KLF9: variants seen among roughly 807,000 people sequenced by gnomAD.
KLF9 encodes the protein Krueppel-like factor 9.
A neutral mutation model predicts 17.3 loss-of-function variants in KLF9; 2 were observed. The observed-to-expected ratio is 0.12, with a 90% CI of 0.05 to 0.36. The LOEUF (loss-of-function observed/expected upper bound fraction) is 0.36, where lower values mean the gene tolerates loss of function less well. Ranked by LOEUF, KLF9 falls within the 10% of genes least tolerant of loss-of-function variation. The pLI, the probability that KLF9 is intolerant of heterozygous loss-of-function variation, is 1.00. For synonymous variants in KLF9, 138 were observed against 139.2 expected (o/e 0.99, Z 0.06); for missense variants, 226 against 333.2 (o/e 0.68, Z 2.51).
At chr9:70,411,038 A>G (rs191889604) in intron 1 of KLF9, among the ~76,000 whole-genome samples, 7 of 152,322 alleles carry the variant, frequency 4.6e-5, no homozygotes, top group Non-Finnish European at 8.8e-5. Flanking sequence ...GGTTCTCCTG[A>G]AACAGCTGAG....
chr9:70,399,360 ATAGC>A (rs2037206679), intron 1 of KLF9, among the ~76,000 whole-genome samples: 1 of 152,204 alleles, frequency 6.6e-6, no homozygotes, highest in Non-Finnish European at 1.5e-5. Context: ...CCACAACCAC[ATAGC>A]TAGCCCTTCA....
intron 1 of KLF9, among the ~76,000 whole-genome samples, chr9:70,410,512 A>G (rs897614031): frequency 2.0e-5 from 3 of 152,252 alleles, no homozygotes; most frequent in African/African-American, 7.2e-5. Context: ...GAATGATTCA[A>G]CTTCTAAAGC....
intron 1 of KLF9, among the ~76,000 whole-genome samples, chr9:70,397,345 C>G (rs955560242): frequency 1.8e-4 from 27 of 151,830 alleles, no homozygotes; most frequent in South Asian, 1.3e-3. Flanking sequence ...CATGGTGGCA[C>G]ATGCCTGTAA....
intron 1 of KLF9, among the ~76,000 whole-genome samples, chr9:70,403,595 T>A (rs1240087025): frequency 6.6e-6 from 1 of 152,092 alleles, no homozygotes; most frequent in African/African-American, 2.4e-5. Context: ...AACTGAGCCA[T>A]GGAGAGGCAG....
Position 70,413,597 on chromosome 9 carries a change from T to G in KLF9, c.-234A>C. Reference sequence around the variant, plus strand: ...GCACGCAGCATCCACGGCCCCGGGCTCCGCCGCGCCGCCGCCTCTAGCCGC... The same window carrying G: ...GCACGCAGCATCCACGGCCCCGGGCGCCGCCGCGCCGCCGCCTCTAGCCGC... On this transcript the variant is annotated 5_prime_UTR_variant, in exon 1 of 2. Transcript: ENST00000377126. This position sits in a 1 kb window ranked among gnomAD's most constrained non-coding sequence, Gnocchi z 5.6. The G allele has an allele frequency of 1.2e-4, 22 of 182,822 alleles. No individual in the cohort carries two copies. The highest frequency in any genetic ancestry group is 6.2e-4 in the East Asian group (4 of 6,412). The allele number at this position is 182,822 out of a possible 1,614,324, so 11.3% of individuals were successfully genotyped here.
At chr9:70,411,288 G>A (rs2037310718) in intron 1 of KLF9, among the ~76,000 whole-genome samples, 1 of 152,172 alleles carries the variant, frequency 6.6e-6, no homozygotes. Context: ...AGTGGGTGTC[G>A]ATGGGAACAA....
At chr9:70,400,460 G>GAAAGT (rs1790235528) in intron 1 of KLF9, among the ~76,000 whole-genome samples, 3 of 152,128 alleles carry the variant, frequency 2.0e-5, no homozygotes, top group Admixed American at 6.5e-5. Flanking sequence ...GAAAGGAAAG[G>GAAAGT]CAAGGGACCC....
chr9:70,413,412 T>C lies in KLF9; in HGVS notation c.-49A>G. 6.9e-7 allele frequency: 1 copy of C among 1,447,426 alleles called. No homozygotes were observed. Among genetic ancestry groups the C allele is most frequent in the Non-Finnish European group, 9.1e-7 (1 of 1,102,996 alleles). The allele number at this position is 1,447,426 out of a possible 1,614,324, so 89.7% of individuals were successfully genotyped here. ...CGGCGCGGACAAACTTGGCGGTGGC[T>C]GCGGAGGTTCGGCTCGCCCTGCCCT... is the stretch of plus-strand genomic sequence containing the variant. On this transcript the variant is annotated 5_prime_UTR_variant, in exon 1 of 2. Transcript: ENST00000377126. This position sits in a 1 kb window ranked among gnomAD's most constrained non-coding sequence, Gnocchi z 5.6.
intron 1 of KLF9, among the ~76,000 whole-genome samples, chr9:70,398,489 ATTTT>A (rs397969034): frequency 7.0e-6 from 1 of 143,380 alleles, no homozygotes; most frequent in Non-Finnish European, 1.5e-5. Flanking sequence ...AGATAACAGA[ATTTT>A]TTTTTTTTTT....
intron 1 of KLF9, among the ~76,000 whole-genome samples, chr9:70,390,969 T>C (rs1171855296): frequency 1.3e-5 from 2 of 152,162 alleles, no homozygotes; most frequent in Admixed American, 6.5e-5. Context: ...AGGAAAACAA[T>C]GAAAGGAAGA....
intron 1 of KLF9, among the ~76,000 whole-genome samples, chr9:70,397,936 G>A (rs745782273): frequency 5.9e-5 from 9 of 152,094 alleles, no homozygotes; most frequent in Non-Finnish European, 1.3e-4. Flanking sequence ...TACACATTAC[G>A]GAAGAGGTGT....
intron 1 of KLF9, among the ~76,000 whole-genome samples, chr9:70,403,002 T>C (rs1160712406): frequency 6.6e-6 from 1 of 151,892 alleles, no homozygotes; most frequent in Non-Finnish European, 1.5e-5. Context: ...ATACAAAAAT[T>C]AGCCTGGCAT....
chr9:70,393,915 G>C (rs1353169438), intron 1 of KLF9, among the ~76,000 whole-genome samples: 1 of 151,798 alleles, frequency 6.6e-6, no homozygotes, highest in Non-Finnish European at 1.5e-5. Context: ...CCAGATACTT[G>C]GGAGGCTGAG....
Position 70,395,435 on chromosome 9 carries a change from C to A in KLF9, c.506-7430G>T, listed in dbSNP as rs182903363. The stretch of plus-strand genomic sequence containing the variant: ...TAAACATGAAACCAAAAGCAAAATC[C>A]TACTTGAAGGATAGTTTTGAATACG... On this transcript the variant is annotated intron_variant, in intron 1 of 1. Transcript: ENST00000377126. Among the ~76,000 whole-genome samples, 361 of 152,098 alleles carry A rather than the reference C, an allele frequency of 2.4e-3. 2 individuals are homozygous for A. Among genetic ancestry groups the A allele is most frequent in the African/African-American group, 8.5e-3 (352 of 41,464 alleles).
rs182837139 is a variant in KLF9 at position 70,396,601 on chromosome 9, C to A, written c.506-8596G>T. Among the ~76,000 whole-genome samples, 450 of 152,030 alleles carry A rather than the reference C, an allele frequency of 3.0e-3. 2 individuals carry two copies. Among genetic ancestry groups the A allele is most frequent in the Non-Finnish European group, 4.3e-3 (290 of 67,996 alleles). ...GTCAGGAGTTCAAGACCAGCTTGGGCAACACAGTAAGACCCCATCTCTACT... is the reference window on the plus strand; with the variant it reads ...GTCAGGAGTTCAAGACCAGCTTGGGAAACACAGTAAGACCCCATCTCTACT... On this transcript the variant is annotated intron_variant, in intron 1 of 1. Transcript: ENST00000377126.
In KLF9 at chr9:70,400,168, C is replaced by T. The variant is rs549041394; in HGVS notation, c.506-12163G>A. 3.3e-5 allele frequency among the ~76,000 whole-genome samples: 5 copies of T among 152,224 alleles called. No homozygotes were observed. The East Asian group carries it at 9.7e-4, about 29-fold the overall frequency. On this transcript the variant is annotated intron_variant, in intron 1 of 1. Transcript: ENST00000377126. ...TACAGCTGAGAGGGGTCTCAGTGTGCGCACCCTTCTAAAGTGCAGGGTGGG... is the reference window on the plus strand; with the variant it reads ...TACAGCTGAGAGGGGTCTCAGTGTGTGCACCCTTCTAAAGTGCAGGGTGGG...
At chr9:70,399,682 T>G (rs1339649284) in intron 1 of KLF9, among the ~76,000 whole-genome samples, 1 of 152,174 alleles carries the variant, frequency 6.6e-6, no homozygotes, top group Non-Finnish European at 1.5e-5. Context: ...AGGTTTCAAA[T>G]TGCTCCTTCA....
At chr9:70,412,428 G>T (rs2037327315) in intron 1 of KLF9, among the ~76,000 whole-genome samples, 1 of 152,104 alleles carries the variant, frequency 6.6e-6, no homozygotes, top group Non-Finnish European at 1.5e-5. Flanking sequence ...AGTAAAGTGC[G>T]CCGCGTCCCC....
intron 1 of KLF9, among the ~76,000 whole-genome samples, chr9:70,411,728 G>A (rs1337935350): frequency 1.3e-5 from 2 of 151,918 alleles, no homozygotes; most frequent in Non-Finnish European, 2.9e-5. Flanking sequence ...TAAAAGTATC[G>A]AGGTATTACA....
Sources: allele counts gnomAD v4.1 joint callset (sites outside exome capture counted in the v4.1 genomes callset), GRCh38; gene constraint gnomAD v4.1.1; non-coding constraint Gnocchi (gnomAD v3.1); transcripts MANE v1.5; gene names NCBI Gene and HGNC (gene_info 2026-07-23, HGNC 2026-07-21).